ABHD12: variants seen among roughly 807,000 people sequenced by gnomAD.
ABHD12 encodes the protein abhydrolase domain containing 12, lysophospholipase.
A neutral mutation model predicts 58.3 loss-of-function variants in ABHD12; 43 were observed. That is an observed-to-expected ratio of 0.74 (90% CI 0.58 to 0.95). The LOEUF is 0.95. Ranked by LOEUF, ABHD12 falls within the 40% of genes least tolerant of loss-of-function variation. The pLI, the probability that ABHD12 is intolerant of heterozygous loss-of-function variation, is 0.00. For synonymous variants in ABHD12, 219 were observed against 211.2 expected, an observed-to-expected ratio of 1.04 and a Z score of -0.32; for missense variants, 539 against 537.2, an observed-to-expected ratio of 1.00 and a Z score of -0.03.
intron 1 of ABHD12, 138 bp downstream of exon 1, chr20:25,390,375 C>T: frequency 2.3e-6 from 2 of 877,956 alleles, no homozygotes; most frequent in Non-Finnish European, 3.1e-6. Context: ...GGGACACAGG[C>T]GCGGACGGGG....
intron 1 of ABHD12, among the ~76,000 whole-genome samples, chr20:25,342,448 T>G (rs2146042838): frequency 7.4e-6 from 1 of 134,714 alleles, no homozygotes; most frequent in South Asian, 2.4e-4. Flanking sequence ...ACTTTGCAGA[T>G]ACCACATTTT....
intron 1 of ABHD12, among the ~76,000 whole-genome samples, chr20:25,342,667 T>TGC (rs2089470415): frequency 6.6e-6 from 1 of 152,186 alleles, no homozygotes; most frequent in Non-Finnish European, 1.5e-5. Flanking sequence ...GGCACAATTA[T>TGC]AGCTCACTGC....
intron 1 of ABHD12, among the ~76,000 whole-genome samples, chr20:25,354,204 T>C (rs2089638892): frequency 6.6e-6 from 1 of 152,226 alleles, no homozygotes; most frequent in Admixed American, 6.5e-5. Flanking sequence ...CACTAGATCA[T>C]ATTTGGCAGT....
chr20:25,335,727 T>C (rs1156772252), intron 2 of ABHD12, among the ~76,000 whole-genome samples: 1 of 149,392 alleles, frequency 6.7e-6, no homozygotes. Context: ...AAACACCGCA[T>C]ATTCTCACTC....
chr20:25,337,945 G>C (rs2089399697), intron 2 of ABHD12, among the ~76,000 whole-genome samples: 1 of 152,066 alleles, frequency 6.6e-6, no homozygotes, highest in Non-Finnish European at 1.5e-5. Flanking sequence ...ATGCCTCTTA[G>C]TATACTACAT....
At chr20:25,354,749 GA>G (rs1006811747) in intron 1 of ABHD12, among the ~76,000 whole-genome samples, 4 of 150,126 alleles carry the variant, frequency 2.7e-5, no homozygotes, top group Admixed American at 2.7e-4. Flanking sequence ...GTTATAATTA[GA>G]AAAAAAAATT....
intron 1 of ABHD12, among the ~76,000 whole-genome samples, chr20:25,348,564 T>A (rs73907315): frequency 0.013 from 1,903 of 151,562 alleles, 35 homozygotes; most frequent in African/African-American, 0.04. Context: ...GAGGCTGCAA[T>A]GAGCTGTGAC....
intron 3 of ABHD12, 148 bp from the exon 4 acceptor site, chr20:25,320,466 G>T: frequency 9.4e-7 from 1 of 1,068,438 alleles, no homozygotes; most frequent in Non-Finnish European, 1.4e-6. Context: ...GATGGGGGTG[G>T]GTGGTAGAAA....
chr20:25,300,174 A>AGG, downstream of ABHD12: 2 of 989,324 alleles, frequency 2.0e-6, no homozygotes, highest in Non-Finnish European at 2.4e-6. Context: ...GGCATGGAGG[A>AGG]GGCAACATTG....
chr20:25,338,411 A>G (rs1489331425), intron 2 of ABHD12, among the ~76,000 whole-genome samples: 1 of 152,214 alleles, frequency 6.6e-6, no homozygotes, highest in African/African-American at 2.4e-5. Context: ...TGTCCTTCAC[A>G]GAACACCCAC....
At chr20:25,389,730 G>A (rs760475124) in intron 1 of ABHD12, among the ~76,000 whole-genome samples, 41 of 152,228 alleles carry the variant, frequency 2.7e-4, no homozygotes, top group Non-Finnish European at 3.2e-4. Flanking sequence ...AGGACTGCGA[G>A]ATGATTCCCA....
intron 1 of ABHD12, among the ~76,000 whole-genome samples, chr20:25,369,927 TAAAAAA>T (rs3032443): frequency 1.8e-4 from 16 of 91,424 alleles, no homozygotes; most frequent in Middle Eastern, 6.4e-3. Flanking sequence ...GTCTCTGTTA[TAAAAAA>T]AAAAAAAAAA....
At chr20:25,347,417 T>C (rs1387019289) in intron 1 of ABHD12, among the ~76,000 whole-genome samples, 1 of 152,050 alleles carries the variant, frequency 6.6e-6, no homozygotes, top group Non-Finnish European at 1.5e-5. Flanking sequence ...ATCCTGTGAG[T>C]TTTTTCTTCA....
intron 1 of ABHD12, among the ~76,000 whole-genome samples, chr20:25,359,438 A>AAC (rs1168558085): frequency 1.4e-5 from 2 of 143,126 alleles, no homozygotes; most frequent in East Asian, 3.9e-4. Context: ...AAAAAAAAAA[A>AAC]AAAAAAACAT....
At chr20:25,320,166 C>A (rs1372795047) in intron 4 of ABHD12, 33 bp downstream of exon 4, 12 of 1,612,640 alleles carry the variant, frequency 7.4e-6, no homozygotes, top group Non-Finnish European at 1.0e-5. Context: ...GAGCCATGCT[C>A]CACAGCAAAG....
At chr20:25,298,952 T>TG (rs1425299558), downstream of ABHD12, among the ~76,000 whole-genome samples, 1 of 152,118 alleles carries the variant, frequency 6.6e-6, no homozygotes, top group Non-Finnish European at 1.5e-5. Flanking sequence ...CCCAGGTCTG[T>TG]GGGGTGCCCT....
intron 2 of ABHD12, among the ~76,000 whole-genome samples, chr20:25,327,634 T>C (rs754168954): frequency 2.6e-5 from 4 of 152,196 alleles, no homozygotes; most frequent in African/African-American, 4.8e-5. Flanking sequence ...ACTTAGTTTA[T>C]AGTTTAAAGC....
intron 1 of ABHD12, among the ~76,000 whole-genome samples, chr20:25,354,066 G>A (rs1180640067): frequency 4.6e-5 from 7 of 152,168 alleles, no homozygotes; most frequent in Admixed American, 6.5e-5. Flanking sequence ...ATCCTGGAGC[G>A]GCCAAATAAA....
At chr20:25,385,331 CAAAAAA>C (rs11477490) in intron 1 of ABHD12, among the ~76,000 whole-genome samples, 2 of 51,724 alleles carry the variant, frequency 3.9e-5, no homozygotes, top group South Asian at 1.9e-3. Flanking sequence ...GAGTGAGACT[CAAAAAA>C]AAAAAAAAAA....
Sources: allele counts gnomAD v4.1 joint callset (sites outside exome capture counted in the v4.1 genomes callset), GRCh38; gene constraint gnomAD v4.1.1; transcripts MANE v1.5; gene names NCBI Gene and HGNC (gene_info 2026-07-23, HGNC 2026-07-21).